REM2: variants seen among roughly 807,000 people sequenced by gnomAD.
REM2 encodes GTP-binding protein REM 2.
In REM2, 24 loss-of-function variants were observed where a neutral mutation model predicts 24.4. The observed-to-expected ratio is 0.98, with a 90% CI of 0.71 to 1.38. REM2 has a LOEUF of 1.38. Ranked by LOEUF, REM2 falls within the 40% of genes most tolerant of loss-of-function variation. The pLI is 0.00. For synonymous variants in REM2, 187 were observed against 198.0 expected (o/e 0.94, Z 0.47); for missense variants, 429 against 467.8 (o/e 0.92, Z 0.77).
At position 22,884,890 on chromosome 14, in the gene REM2, C is replaced by G. The variant is rs1566499006; in HGVS notation, c.320C>G (p.Ala107Gly). 2 of 1,613,238 alleles carry G rather than the reference C, an allele frequency of 1.2e-6. No individual in the cohort carries two copies. The highest frequency in any genetic ancestry group is 1.7e-6 in the Non-Finnish European group (2 of 1,179,346). The change falls in exon 2 of 5, where the codon GCC becomes GGC. Residue 107 changes from alanine (A) to glycine (G), a missense_variant. Physicochemically the swap from Ala to Gly is moderately conservative, Grantham distance 60. Transcript: ENST00000267396. Reference protein sequence around the residue: ...SSDSLGSGEAAPAQKDGIFKV... With the variant: ...SSDSLGSGEAGPAQKDGIFKV... ...GACTCCTTGGGCTCAGGGGAGGCAG[C>G]CCCTGCTCAAAAGGATGGCATCTTC... is the stretch of plus-strand genomic sequence containing the variant.
At position 22,886,628 on chromosome 14, in the gene REM2, G is replaced by A. The variant is rs1313126261; in HGVS notation, c.742G>A (p.Ala248Thr). Reference protein sequence around the residue: ...EVSLEEGRHLAGTLSCKHIET... With the variant: ...EVSLEEGRHLTGTLSCKHIET... ...CCTTCCTGCAGAGGGCCGCCACCTG[G>A]CCGGGACGCTGAGCTGCAAGCACAT... The change falls in exon 5 of 5, where the codon GCC (alanine) becomes ACC (threonine). Residue 248 changes from alanine to threonine, a missense_variant. By Grantham distance (58) the Ala-to-Thr change is moderately conservative. Transcript: ENST00000267396. The surrounding 1 kb of genome is among the most constrained non-coding windows in gnomAD (Gnocchi z 5.9). 11 of 1,451,314 alleles carry A rather than the reference G, an allele frequency of 7.6e-6. No homozygotes were observed. The highest frequency in any genetic ancestry group is 8.2e-6 in the Non-Finnish European group (9 of 1,101,060). The allele number at this position is 1,451,314 out of a possible 1,614,324, so 89.9% of individuals were successfully genotyped here.
intron 1 of REM2, 57 bp from the exon 2 acceptor site, chr14:22,884,617 T>C (rs2040103451): frequency 3.9e-6 from 6 of 1,537,476 alleles, no homozygotes; most frequent in Middle Eastern, 1.7e-4. Flanking sequence ...CTTCTGCATA[T>C]GGTTGAGCAT....
At position 22,886,439 on chromosome 14, in the gene REM2, C is replaced by T. The variant is rs2040128869; in HGVS notation, c.728-175C>T. 5.5e-6 allele frequency: 4 copies of T among 721,580 alleles called. No individual in the cohort carries two copies. The South Asian group carries it at 7.4e-5, about 13-fold the overall frequency. The allele number at this position is 721,580 out of a possible 1,614,324, so 44.7% of individuals were successfully genotyped here. A position where few individuals can be genotyped will look rare whatever the true frequency, so the allele number is the denominator to read the frequency against. On this transcript the variant is annotated intron_variant, in intron 4 of 4. Coordinates refer to ENST00000267396, the MANE Select transcript of REM2 (RefSeq NM_173527.3). The surrounding 1 kb of genome is among the most constrained non-coding windows in gnomAD (Gnocchi z 5.9). ...CCTCACCTCTCTCCTAGGCCTCCTT[C>T]TCCCTCTCCTTCGCACCTCCACAGA...
chr14:22,883,647 C>A (rs1198449995), intron 1 of REM2, among the ~76,000 whole-genome samples: 1 of 152,160 alleles, frequency 6.6e-6, no homozygotes, highest in Non-Finnish European at 1.5e-5. Flanking sequence ...TGGCCCCTAG[C>A]TCAGCCTCAT....
Position 22,886,970 on chromosome 14 carries a change from TCGCCCCGCCC to T in REM2, c.*68_*77del. 1.6e-6 allele frequency: 2 copies of T among 1,284,362 alleles called. No individual in the cohort carries two copies. The highest frequency in any genetic ancestry group is 3.1e-5 in the East Asian group (1 of 32,652). 79.6% of individuals were successfully genotyped at this position (1,284,362 alleles called of 1,614,324 possible). Reference sequence around the variant, plus strand: ...CACCGCGCCCTCCGCTCGCCCCCCCTCGCCCCGCCCCGCCCCCGTCCGGCTTCCTTGGTGG... The same window carrying T: ...CACCGCGCCCTCCGCTCGCCCCCCCTCGCCCCCGTCCGGCTTCCTTGGTGG... On this transcript the variant is annotated 3_prime_UTR_variant, in exon 5 of 5. Coordinates refer to ENST00000267396, the MANE Select transcript of REM2 (RefSeq NM_173527.3). This position sits in a 1 kb window ranked among gnomAD's most constrained non-coding sequence, Gnocchi z 5.9.
chr14:22,886,264 T>A lies in REM2; in HGVS notation c.727+33T>A. 6.4e-7 allele frequency: 1 copy of A among 1,563,556 alleles called. No homozygotes were observed. Among genetic ancestry groups the A allele is most frequent in the East Asian group, 2.3e-5 (1 of 43,372 alleles). ...TCCTGAACAGATTCCATACTTGCGA[T>A]CTCAGGGGAATGCTCTCCCTTCCAA... is the stretch of plus-strand genomic sequence containing the variant. On this transcript the variant is annotated intron_variant, in intron 4 of 4. Transcript: ENST00000267396. The surrounding 1 kb of genome is among the most constrained non-coding windows in gnomAD (Gnocchi z 5.9).
In REM2 at chr14:22,886,005, T is replaced by G. The variant is rs1335662019; in HGVS notation, c.520-19T>G. The stretch of plus-strand genomic sequence containing the variant: ...ATCTCCTATGCCTCCAGCCCTAACG[T>G]TCCTCTGCCTGTCTGCAGGGGGATG... On this transcript the variant is annotated intron_variant, in intron 3 of 4. Transcript: ENST00000267396. The surrounding 1 kb of genome is among the most constrained non-coding windows in gnomAD (Gnocchi z 5.9). 1 of 1,606,618 alleles carries G rather than the reference T, an allele frequency of 6.2e-7. No individual in the cohort carries two copies. The highest frequency in any genetic ancestry group is 1.1e-5 in the South Asian group (1 of 90,914).
rs1349044342 is a variant in REM2 at position 22,886,269 on chromosome 14, G to A, written c.727+38G>A. ...AACAGATTCCATACTTGCGATCTCA[G>A]GGGAATGCTCTCCCTTCCAAGTCAC... On this transcript the variant is annotated intron_variant, in intron 4 of 4. Coordinates refer to ENST00000267396, the MANE Select transcript of REM2 (RefSeq NM_173527.3). The surrounding 1 kb of genome is among the most constrained non-coding windows in gnomAD (Gnocchi z 5.9). 6.5e-7 allele frequency: 1 copy of A among 1,546,700 alleles called. No individual in the cohort carries two copies. Among genetic ancestry groups the A allele is most frequent in the East Asian group, 2.3e-5 (1 of 42,902 alleles).
In REM2 at chr14:22,886,246, C is replaced by T. The variant is rs751259953; in HGVS notation, c.727+15C>T. On this transcript the variant is annotated intron_variant, in intron 4 of 4. Transcript: ENST00000267396. The surrounding 1 kb of genome is among the most constrained non-coding windows in gnomAD (Gnocchi z 5.9). ...ATCACTGGAGGGTGTGTATCCTGAA[C>T]AGATTCCATACTTGCGATCTCAGGG... The T allele has an allele frequency of 1.3e-6, 2 of 1,599,710 alleles. No individual in the cohort carries two copies. The highest frequency in any genetic ancestry group is 1.7e-6 in the Non-Finnish European group (2 of 1,171,324).
In REM2 at chr14:22,884,194, C is replaced by T. The variant is rs930529800; in HGVS notation, c.104-480C>T. On this transcript the variant is annotated intron_variant, in intron 1 of 4. Transcript: ENST00000267396. ...TTTTTACTCTGCTATACCTACTCCCCAGACACTGGGCAGCAGTTTCAGCTT... is the reference window on the plus strand; with the variant it reads ...TTTTTACTCTGCTATACCTACTCCCTAGACACTGGGCAGCAGTTTCAGCTT... The T allele has an allele frequency of 1.4e-5, 14 of 985,300 alleles. No homozygotes were observed. In the East Asian group the frequency reaches 1.4e-3, roughly 96 times the overall value. The allele number at this position is 985,300 out of a possible 1,614,324, so 61.0% of individuals were successfully genotyped here.
At position 22,884,912 on chromosome 14, in the gene REM2, C is replaced by T. The variant is rs754650649; in HGVS notation, c.342C>T (p.Ile114=). Residue 114 remains isoleucine (I), a synonymous_variant, in exon 2 of 5, where the codon ATC becomes ATT. Coordinates refer to ENST00000267396, the MANE Select transcript of REM2 (RefSeq NM_173527.3). Reference sequence around the variant, plus strand: ...CAGCCCCTGCTCAAAAGGATGGCATCTTCAAGGTCATGCTAGTGGGGGAGA... The same window carrying T: ...CAGCCCCTGCTCAAAAGGATGGCATTTTCAAGGTCATGCTAGTGGGGGAGA... ...GEAAPAQKDG[I]FKVMLVGESG... 4 of 1,611,954 alleles carry T rather than the reference C, an allele frequency of 2.5e-6. No individual in the cohort carries two copies. The highest frequency in any genetic ancestry group is 3.4e-6 in the Non-Finnish European group (4 of 1,178,378).
Position 22,883,410 on chromosome 14 carries a change from G to A in REM2, c.103+20G>A. On this transcript the variant is annotated intron_variant, in intron 1 of 4. Coordinates refer to ENST00000267396, the MANE Select transcript of REM2 (RefSeq NM_173527.3). ...CACCAGGTGAGGGCTAACCTGGGCA[G>A]GTTCCGGCTGAAACCATGGGGGTGG... 1.3e-6 allele frequency: 2 copies of A among 1,551,276 alleles called. No homozygotes were observed. Among genetic ancestry groups the A allele is most frequent in the Non-Finnish European group, 1.7e-6 (2 of 1,146,648 alleles).
intron 2 of REM2, 41 bp downstream of exon 2, chr14:22,885,056 G>A: frequency 2.6e-6 from 4 of 1,513,924 alleles, no homozygotes; most frequent in Non-Finnish European, 3.5e-6. Context: ...GGGCTCTGGG[G>A]CCCTGGTCAG....
At position 22,885,279 on chromosome 14, in the gene REM2, G is replaced by C; in HGVS notation, c.459G>C (p.Glu153Asp). 6.2e-7 allele frequency: 1 copy of C among 1,613,706 alleles called. No individual in the cohort carries two copies. The highest frequency in any genetic ancestry group is 1.1e-5 in the South Asian group (1 of 91,076). Residue 153 changes from glutamate (E) to aspartate (D), a missense_variant, in exon 3 of 5, where the codon GAG becomes GAC. Transcript: ENST00000267396. ...ATTTCCCAGCAGAGGATACCTATGA[G>C]AGACGCATCATGGTGGATAAGGAGG... Reference protein sequence around the residue: ...HEPENPEDTYERRIMVDKEEV... With the variant: ...HEPENPEDTYDRRIMVDKEEV...
intron 1 of REM2, 200 bp from the exon 2 acceptor site, chr14:22,884,474 C>T (rs1470589400): frequency 1.0e-6 from 1 of 985,296 alleles, no homozygotes; most frequent in Non-Finnish European, 1.2e-6. Flanking sequence ...GAGAAGCTAT[C>T]ATGTCAACTC....
At position 22,886,250 on chromosome 14, in the gene REM2, T is replaced by G. The variant is rs1450299267; in HGVS notation, c.727+19T>G. The G allele has an allele frequency of 6.3e-7, 1 of 1,595,348 alleles. No homozygotes were observed. The highest frequency in any genetic ancestry group is 1.1e-5 in the South Asian group (1 of 89,326). ...CTGGAGGGTGTGTATCCTGAACAGA[T>G]TCCATACTTGCGATCTCAGGGGAAT... On this transcript the variant is annotated intron_variant, in intron 4 of 4. Transcript: ENST00000267396. This position sits in a 1 kb window ranked among gnomAD's most constrained non-coding sequence, Gnocchi z 5.9.
chr14:22,884,212 T>G (rs1047625262), intron 1 of REM2: 2 of 985,306 alleles, frequency 2.0e-6, no homozygotes, highest in African/African-American at 3.5e-5. Context: ...GGGCAGCAGT[T>G]TCAGCTTGTC....
At chr14:22,883,951 T>G in intron 1 of REM2, 2 of 883,348 alleles carry the variant, frequency 2.3e-6, no homozygotes, top group Non-Finnish European at 2.7e-6. Flanking sequence ...CTTCTACTGC[T>G]CTATGAACAC....
At chr14:22,883,833 C>G (rs927664099) in intron 1 of REM2, among the ~76,000 whole-genome samples, 1 of 151,984 alleles carries the variant, frequency 6.6e-6, no homozygotes. Flanking sequence ...CCTCTAGCCC[C>G]CTTTGTTGTG....
Sources: allele counts gnomAD v4.1 joint callset (sites outside exome capture counted in the v4.1 genomes callset), GRCh38; gene constraint gnomAD v4.1.1; non-coding constraint Gnocchi (gnomAD v3.1); transcripts MANE v1.5; gene names NCBI Gene and HGNC (gene_info 2026-07-23, HGNC 2026-07-21).